Variants in SDK2 observed in about 807,000 individuals in gnomAD.
The protein encoded by SDK2 is protein sidekick-2.
SDK2 carries 105 observed loss-of-function variants against 253.9 expected under a neutral mutation model. The observed-to-expected ratio is 0.41, with a 90% CI of 0.35 to 0.49. The LOEUF is 0.49. Among genes scored for constraint, SDK2 ranks in the 20% least tolerant of loss-of-function variants. SDK2 has a pLI of 0.06. For synonymous variants in SDK2, 1,249 were observed against 1,234.9 expected (o/e 1.01, Z -0.24); for missense variants, 2,608 against 3,003.0 (o/e 0.87, Z 3.07).
Position 73,361,976 on chromosome 17 carries a change from C to T in SDK2, c.5306-131G>A. ...AGGGGCCTCACTCCTTGAGGTCAGGCTGAAATGCACCCCCAGCCCACACAA... is the reference window on the plus strand; with the variant it reads ...AGGGGCCTCACTCCTTGAGGTCAGGTTGAAATGCACCCCCAGCCCACACAA... On this transcript the variant is annotated intron_variant, in intron 38 of 44. Coordinates refer to ENST00000392650, the MANE Select transcript of SDK2 (RefSeq NM_001144952.2). This position sits in a 1 kb window ranked among gnomAD's most constrained non-coding sequence, Gnocchi z 4.1. 1 of 778,466 alleles carries T rather than the reference C, an allele frequency of 1.3e-6. No homozygotes were observed. Among genetic ancestry groups the T allele is most frequent in the Non-Finnish European group, 2.0e-6 (1 of 500,906 alleles). 48.2% of individuals were successfully genotyped at this position (778,466 alleles called of 1,614,324 possible).
At chr17:73,529,124 T>G (rs2064149458) in intron 1 of SDK2, among the ~76,000 whole-genome samples, 1 of 152,194 alleles carries the variant, frequency 6.6e-6, no homozygotes, top group Non-Finnish European at 1.5e-5. Context: ...ATGGGGAAAC[T>G]ATTTCCTTGT....
intron 30 of SDK2, among the ~76,000 whole-genome samples, 153 bp downstream of exon 30, chr17:73,387,683 G>A (rs751970269): frequency 3.9e-5 from 6 of 152,226 alleles, no homozygotes; most frequent in Non-Finnish European, 7.3e-5. Context: ...GAGGGTGAGA[G>A]TGGACGCGGG....
chr17:73,463,505 T>G (rs987130959), intron 3 of SDK2, among the ~76,000 whole-genome samples: 1 of 152,136 alleles, frequency 6.6e-6, no homozygotes, highest in African/African-American at 2.4e-5. Context: ...ACACTAACAA[T>G]ACCTTTCCCC....
At chr17:73,614,576 G>A (rs1206790022) in intron 1 of SDK2, among the ~76,000 whole-genome samples, 34 of 105,794 alleles carry the variant, frequency 3.2e-4, no homozygotes, top group East Asian at 7.8e-4. Flanking sequence ...TGAAAAGGGG[G>A]AGGGAGGGAG....
chr17:73,374,432 G>C (rs2062760330), intron 36 of SDK2, among the ~76,000 whole-genome samples: 1 of 142,262 alleles, frequency 7.0e-6, no homozygotes, highest in Admixed American at 7.1e-5. Flanking sequence ...TGTCCTTGTT[G>C]CCTCCCTTTT....
rs558172701 is a variant in SDK2 at position 73,541,889 on chromosome 17, C to G, written c.65-34292G>C. 1.7e-4 allele frequency among the ~76,000 whole-genome samples: 26 copies of G among 152,318 alleles called. No individual in the cohort carries two copies. The highest frequency in any genetic ancestry group is 5.5e-4 in the African/African-American group (23 of 41,576). On this transcript the variant is annotated intron_variant, in intron 1 of 44. Transcript: ENST00000392650. This position sits in a 1 kb window ranked among gnomAD's most constrained non-coding sequence, Gnocchi z 4.3. ...GGTGGAAACCACCTAGGCTGGGATGCAAGTCCAGGCCTGTTCTTGCCTGTG... is the reference window on the plus strand; with the variant it reads ...GGTGGAAACCACCTAGGCTGGGATGGAAGTCCAGGCCTGTTCTTGCCTGTG...
At chr17:73,640,477 G>T (rs1022841076) in intron 1 of SDK2, among the ~76,000 whole-genome samples, 8 of 152,024 alleles carry the variant, frequency 5.3e-5, no homozygotes, top group African/African-American at 1.9e-4. Flanking sequence ...AGGGAAAGAG[G>T]GGCATGGGAG....
At chr17:73,441,052 C>T in intron 5 of SDK2, 129 bp from the exon 6 acceptor site, 2 of 648,338 alleles carry the variant, frequency 3.1e-6, no homozygotes, top group Non-Finnish European at 5.4e-6. Context: ...GGGGGCAGCC[C>T]CAGAGCAGAC....
chr17:73,398,855 G>A (rs542148592), intron 22 of SDK2, among the ~76,000 whole-genome samples: 4 of 152,238 alleles, frequency 2.6e-5, no homozygotes, highest in Non-Finnish European at 4.4e-5. Context: ...AGGTGTTGGC[G>A]CTTCTGAACG....
At chr17:73,560,815 G>A (rs1419862013) in intron 1 of SDK2, among the ~76,000 whole-genome samples, 2 of 152,210 alleles carry the variant, frequency 1.3e-5, no homozygotes, top group African/African-American at 4.8e-5. Context: ...AGATCATGGA[G>A]CCACTGGTGC....
intron 36 of SDK2, among the ~76,000 whole-genome samples, chr17:73,372,524 C>CA (rs1455922247): frequency 6.6e-6 from 1 of 152,150 alleles, no homozygotes; most frequent in Admixed American, 6.5e-5. Context: ...TTACTATGCC[C>CA]AATTCTCTGC....
chr17:73,584,470 G>A (rs559315890), intron 1 of SDK2, among the ~76,000 whole-genome samples: 5 of 152,318 alleles, frequency 3.3e-5, no homozygotes, highest in Admixed American at 6.5e-5. Flanking sequence ...TCTCCCCAAA[G>A]AGGGAAACAG....
chr17:73,379,246 G>A lies in SDK2; in HGVS notation c.4911C>T (p.Ala1637=), dbSNP rs1324343462. The change falls in exon 36 of 45, where the codon GCC becomes GCT. Residue 1637 remains alanine (A), a synonymous_variant. Coordinates refer to ENST00000392650, the MANE Select transcript of SDK2 (RefSeq NM_001144952.2). This position sits in a 1 kb window ranked among gnomAD's most constrained non-coding sequence, Gnocchi z 4.5. ...GCTCCCAAGTCACGTCCAGCTGTGT[G>A]GCCGTGGCGCCGTGGACGACCACGT... is the stretch of plus-strand genomic sequence containing the variant. ...PRNVVVHGAT[A]TQLDVTWEPP... The A allele has an allele frequency of 6.4e-7, 1 of 1,557,272 alleles. No individual in the cohort carries two copies. The highest frequency in any genetic ancestry group is 1.9e-5 in the Admixed American group (1 of 51,696).
intron 1 of SDK2, among the ~76,000 whole-genome samples, chr17:73,607,354 G>T (rs1414985952): frequency 6.6e-6 from 1 of 151,954 alleles, no homozygotes; most frequent in Non-Finnish European, 1.5e-5. Context: ...CCTGAGAGCA[G>T]GGAGAGGCCC....
intron 1 of SDK2, among the ~76,000 whole-genome samples, chr17:73,558,720 A>C (rs1262723174): frequency 6.6e-6 from 1 of 152,164 alleles, no homozygotes; most frequent in East Asian, 1.9e-4. Context: ...ATGGGAAGTC[A>C]GTGCCCAAGT....
intron 1 of SDK2, among the ~76,000 whole-genome samples, chr17:73,539,645 G>A (rs72845737): frequency 6.6e-6 from 1 of 152,344 alleles, no homozygotes; most frequent in Non-Finnish European, 1.5e-5. Flanking sequence ...GTAAAATTGA[G>A]TCCCACCAGA....
chr17:73,423,244 T>C (rs972737757), intron 14 of SDK2, 142 bp downstream of exon 14: 3 of 734,326 alleles, frequency 4.1e-6, no homozygotes, highest in Middle Eastern at 2.7e-4. Context: ...CCTTCAGAGA[T>C]GGGAACGCTG....
chr17:73,419,727 ACC>A (rs760930859), intron 15 of SDK2, among the ~76,000 whole-genome samples: 4,244 of 112,910 alleles, frequency 0.038, 634 homozygotes, highest in Middle Eastern at 0.061. Context: ...AACAAAAAAA[ACC>A]CAAAAAAACT....
At position 73,379,166 on chromosome 17, in the gene SDK2, G is replaced by C; in HGVS notation, c.4980+11C>G. On this transcript the variant is annotated intron_variant, in intron 36 of 44. Transcript: ENST00000392650. The surrounding 1 kb of genome is among the most constrained non-coding windows in gnomAD (Gnocchi z 4.5). ...CCGTGCACCCCTTTGCTCTGCCCGA[G>C]GGCACCCTACCTTGTACCCCTGGAT... The C allele has an allele frequency of 6.5e-7, 1 of 1,549,378 alleles. No homozygotes were observed. Among genetic ancestry groups the C allele is most frequent in the Non-Finnish European group, 8.7e-7 (1 of 1,144,298 alleles).
Sources: gnomAD v4.1 joint callset for allele counts (sites outside exome capture counted in the v4.1 genomes callset) on GRCh38, gnomAD v4.1.1 for gene constraint, Gnocchi (gnomAD v3.1) non-coding constraint, MANE v1.5 for transcripts, NCBI Gene and HGNC (gene_info 2026-07-23, HGNC 2026-07-21) for gene names.